PDZD2: variants seen among roughly 807,000 people sequenced by gnomAD.
PDZD2 encodes the protein PDZ domain containing 2.
Under a neutral mutation model 220.7 loss-of-function variants are expected in PDZD2, and 90 were observed. The ratio of observed to expected loss-of-function variants is 0.41; its 90% CI spans 0.34 to 0.49. The LOEUF (loss-of-function observed/expected upper bound fraction) is 0.49. Among genes scored for constraint, PDZD2 ranks in the 20% least tolerant of loss-of-function variants. PDZD2 has a pLI of 0.28. For synonymous variants in PDZD2, 1,375 were observed against 1,450.5 expected (o/e 0.95, Z 1.18); for missense variants, 3,174 against 3,608.5 (o/e 0.88, Z 3.08).
At chr5:31,788,029 G>A (rs1420034839) in intron 1 of PDZD2, among the ~76,000 whole-genome samples, 2 of 152,080 alleles carry the variant, frequency 1.3e-5, no homozygotes, top group Non-Finnish European at 2.9e-5. Context: ...TGCCTCATAC[G>A]CACAGCCCTT....
At chr5:32,077,394 T>G in intron 18 of PDZD2, 68 bp from the exon 19 acceptor site, 2 of 1,526,626 alleles carry the variant, frequency 1.3e-6, no homozygotes, top group Non-Finnish European at 1.8e-6. Flanking sequence ...TCTCTATATA[T>G]GATCTCATCT....
chr5:32,089,614 C>T lies in PDZD2; in HGVS notation c.6166C>T (p.Arg2056Cys), dbSNP rs775700417. ...SVAGNRQSEP[R>C]LASHVAADTA... ...GGCAGGGAACAGACAGAGTGAGCCGCGCCTGGCCAGCCATGTGGCAGCAGA... is the reference window on the plus strand; with the variant it reads ...GGCAGGGAACAGACAGAGTGAGCCGTGCCTGGCCAGCCATGTGGCAGCAGA... Residue 2056 changes from arginine (R) to cysteine (C), a missense_variant, in exon 20 of 25, where the codon CGC (arginine) becomes TGC (cysteine). Coordinates refer to ENST00000438447, the MANE Select transcript of PDZD2 (RefSeq NM_178140.4). The T allele has an allele frequency of 1.4e-5, 23 of 1,612,970 alleles. No homozygotes were observed. The highest frequency in any genetic ancestry group is 1.6e-4 in the Middle Eastern group (1 of 6,084).
chr5:31,688,244 A>T (rs201409142), intron 1 of PDZD2, among the ~76,000 whole-genome samples: 1 of 13,736 alleles, frequency 7.3e-5, no homozygotes, highest in Non-Finnish European at 1.5e-4. Flanking sequence ...CTTACAAAAG[A>T]AAAAAAAAAC....
intron 17 of PDZD2, 92 bp downstream of exon 17, chr5:32,072,409 C>A: frequency 9.9e-7 from 1 of 1,014,276 alleles, no homozygotes; most frequent in Non-Finnish European, 1.4e-6. Flanking sequence ...AATGGTTTAG[C>A]TACCCTGGCG....
At chr5:31,837,016 A>AAAAGAAAGAAAGAAAGAAAGAAAG (rs5867108) in intron 2 of PDZD2, among the ~76,000 whole-genome samples, 55 of 146,678 alleles carry the variant, frequency 3.7e-4, no homozygotes, top group African/African-American at 1.3e-3. Flanking sequence ...AGACTGTCTT[A>AAAAGAAAGAAAGAAAGAAAGAAAG]AAAGAAAGAA....
At chr5:31,776,190 ACTC>A (rs1484006170) in intron 1 of PDZD2, among the ~76,000 whole-genome samples, 1 of 151,010 alleles carries the variant, frequency 6.6e-6, no homozygotes, top group Non-Finnish European at 1.5e-5. Flanking sequence ...GTCATCTTGG[ACTC>A]CTCCTCTTCT....
Position 31,799,036 on chromosome 5 carries a change from T to G in PDZD2, c.-213T>G, listed in dbSNP as rs1580778817. On this transcript the variant is annotated 5_prime_UTR_variant, in exon 2 of 25. Transcript: ENST00000438447. Reference sequence around the variant, plus strand: ...TCCCTCATTGAGCACTCCAGTGCCATTGTTCCACAGTTGTTCTAATTGGGT... The same window carrying G: ...TCCCTCATTGAGCACTCCAGTGCCAGTGTTCCACAGTTGTTCTAATTGGGT... The G allele has an allele frequency of 1.8e-6, 1 of 564,118 alleles. No homozygotes were observed. The highest frequency in any genetic ancestry group is 3.2e-6 in the Non-Finnish European group (1 of 316,856). The allele number at this position is 564,118 out of a possible 1,614,324, so 34.9% of individuals were successfully genotyped here.
In PDZD2 at chr5:31,732,306, C is replaced by T. The variant is rs185732231; in HGVS notation, c.-360-66583C>T. 2.6e-5 allele frequency among the ~76,000 whole-genome samples: 4 copies of T among 152,230 alleles called. No individual in the cohort carries two copies. The East Asian group carries it at 7.7e-4, about 29-fold the overall frequency. ...TTTGTAACTTTCATTACTGAGGGGT[C>T]CCTGACCACATTTTGAGGTGACTCA... On this transcript the variant is annotated intron_variant, in intron 1 of 24. Coordinates refer to ENST00000438447, the MANE Select transcript of PDZD2 (RefSeq NM_178140.4).
chr5:31,943,032 G>A (rs1014346402), intron 2 of PDZD2, among the ~76,000 whole-genome samples: 3 of 152,048 alleles, frequency 2.0e-5, no homozygotes, highest in East Asian at 1.9e-4. Flanking sequence ...GTGAAATCCC[G>A]TCTCTACCAA....
intron 1 of PDZD2, among the ~76,000 whole-genome samples, chr5:31,787,069 G>A (rs922957551): frequency 6.6e-6 from 1 of 152,172 alleles, no homozygotes; most frequent in African/African-American, 2.4e-5. Flanking sequence ...TGAGTGGGTT[G>A]GTAGTATCAT....
chr5:32,102,896 C>T (rs1744389041), intron 24 of PDZD2, among the ~76,000 whole-genome samples: 1 of 152,204 alleles, frequency 6.6e-6, no homozygotes, highest in Non-Finnish European at 1.5e-5. Context: ...GAGCAAGACC[C>T]TGCTTCTTTA....
intron 10 of PDZD2, among the ~76,000 whole-genome samples, chr5:32,054,242 G>T (rs1323816130): frequency 6.7e-6 from 1 of 149,666 alleles, no homozygotes; most frequent in Non-Finnish European, 1.5e-5. Context: ...AGAGCGCCTG[G>T]TCATTAGTGG....
intron 2 of PDZD2, among the ~76,000 whole-genome samples, chr5:31,938,836 C>T (rs927639555): frequency 6.6e-6 from 1 of 152,128 alleles, no homozygotes; most frequent in Non-Finnish European, 1.5e-5. Context: ...ATTGTTATGT[C>T]ATTTCTAATA....
At chr5:31,773,202 CA>C (rs1364757493) in intron 1 of PDZD2, among the ~76,000 whole-genome samples, 10 of 152,184 alleles carry the variant, frequency 6.6e-5, no homozygotes, top group African/African-American at 2.4e-4. Context: ...AAACTGGTTC[CA>C]AAACCAAGTC....
At chr5:32,008,068 C>A (rs1002629137) in intron 5 of PDZD2, among the ~76,000 whole-genome samples, 2 of 151,180 alleles carry the variant, frequency 1.3e-5, no homozygotes, top group African/African-American at 4.9e-5. Flanking sequence ...GATGGGAGGA[C>A]TACTTGAGGC....
At chr5:31,910,908 C>T (rs1424575876) in intron 2 of PDZD2, among the ~76,000 whole-genome samples, 1 of 152,106 alleles carries the variant, frequency 6.6e-6, no homozygotes, top group African/African-American at 2.4e-5. Flanking sequence ...CTCCCCTAGG[C>T]ATAATTTTTA....
chr5:32,053,947 C>T (rs946987731), intron 10 of PDZD2, 64 bp downstream of exon 10: 64 of 944,478 alleles, frequency 6.8e-5, no homozygotes, highest in Non-Finnish European at 1.1e-4. Flanking sequence ...TCTGCCTCTT[C>T]ACAAGATGTG....
chr5:31,977,103 C>CT (rs1749859457), intron 2 of PDZD2, among the ~76,000 whole-genome samples: 1 of 151,840 alleles, frequency 6.6e-6, no homozygotes. Context: ...AGCGACCCTC[C>CT]TACCGTGGCC....
rs1298864421 is a variant in PDZD2 at position 31,975,812 on chromosome 5, T to TTTTTTTTTTTTTTTTTA, written c.477-7334_477-7333insTTTTTTTATTTTTTTTT. Among the ~76,000 whole-genome samples the TTTTTTTTTTTTTTTTTA allele has an allele frequency of 1.4e-5, 2 of 142,564 alleles. 1 individual carries two copies. The highest frequency in any genetic ancestry group is 3.1e-5 in the Non-Finnish European group (2 of 64,948). 93.5% of individuals were successfully genotyped at this position (142,564 alleles called of 152,430 possible). ...CAGTCACTTTTTTTTTATTTATTTT[T>TTTTTTTTTTTTTTTTTA]TTTTTTTTTGAGACAAGGTCTTACT... On this transcript the variant is annotated intron_variant, in intron 2 of 24. Transcript: ENST00000438447.
Sources: allele counts gnomAD v4.1 joint callset (sites outside exome capture counted in the v4.1 genomes callset), GRCh38; gene constraint gnomAD v4.1.1; transcripts MANE v1.5; gene names NCBI Gene and HGNC (gene_info 2026-07-23, HGNC 2026-07-21).